EGFLAM: variants seen among roughly 807,000 people sequenced by gnomAD.
The protein encoded by EGFLAM is pikachurin.
Under a neutral mutation model 113.1 loss-of-function variants are expected in EGFLAM, and 79 were observed. The observed-to-expected ratio is 0.70, with a 90% CI of 0.58 to 0.84. The LOEUF is 0.84. Among genes scored for constraint, EGFLAM ranks in the 40% least tolerant of loss-of-function variants. EGFLAM has a pLI of 0.00. For synonymous variants in EGFLAM, 504 were observed against 487.6 expected (o/e 1.03, Z -0.44); for missense variants, 1,265 against 1,291.6 (o/e 0.98, Z 0.32).
intron 6 of EGFLAM, among the ~76,000 whole-genome samples, chr5:38,386,350 C>A (rs1482109720): frequency 6.6e-6 from 1 of 152,076 alleles, no homozygotes; most frequent in African/African-American, 2.4e-5. Context: ...CACACCACCA[C>A]GCCTGGCTAA....
intron 17 of EGFLAM, among the ~76,000 whole-genome samples, chr5:38,446,753 C>T (rs1025278135): frequency 1.3e-5 from 2 of 152,140 alleles, no homozygotes; most frequent in African/African-American, 4.8e-5. Flanking sequence ...TTCCTCTCTT[C>T]CTTTCTTTTT....
intron 6 of EGFLAM, among the ~76,000 whole-genome samples, chr5:38,377,250 G>A (rs1400297742): frequency 6.6e-6 from 1 of 151,728 alleles, no homozygotes; most frequent in East Asian, 1.9e-4. Flanking sequence ...CGCTTCTCCT[G>A]CCTCAGCCTC....
intron 1 of EGFLAM, among the ~76,000 whole-genome samples, chr5:38,330,220 T>C (rs1175127712): frequency 6.6e-6 from 1 of 152,156 alleles, no homozygotes; most frequent in Non-Finnish European, 1.5e-5. Flanking sequence ...TGGATGTCAA[T>C]ATTCTGGATG....
At chr5:38,449,485 A>C (rs1742835450) in intron 18 of EGFLAM, among the ~76,000 whole-genome samples, 1 of 152,190 alleles carries the variant, frequency 6.6e-6, no homozygotes, top group African/African-American at 2.4e-5. Context: ...CCAAAGATGG[A>C]AGGTCATTCA....
At chr5:38,286,449 C>A (rs1758163120) in intron 1 of EGFLAM, 2 of 152,192 alleles carry the variant, frequency 1.3e-5, no homozygotes, top group Admixed American at 6.5e-5. Flanking sequence ...AATGAGCACA[C>A]ATGATAGGTT....
intron 17 of EGFLAM, among the ~76,000 whole-genome samples, chr5:38,442,470 C>A (rs1166850412): frequency 6.7e-6 from 1 of 149,290 alleles, no homozygotes; most frequent in East Asian, 2.0e-4. Flanking sequence ...AAAAATAAGT[C>A]ATTTCAAATT....
At position 38,427,186 on chromosome 5, in the gene EGFLAM, C is replaced by T; in HGVS notation, c.1988C>T (p.Ser663Phe). Reference sequence around the variant, plus strand: ...GACACAGGCAGCAAAGACTTCCTGTCCATCAACTTGGCAGGGGGCCACGTG... The same window carrying T: ...GACACAGGCAGCAAAGACTTCCTGTTCATCAACTTGGCAGGGGGCCACGTG... ...SYDTGSKDFL[S>F]INLAGGHVEF... The change falls in exon 14 of 22, where the codon TCC (serine) becomes TTC (phenylalanine). Residue 663 changes from serine to phenylalanine, a missense_variant. Ser to Phe is a radical substitution (Grantham distance 155, BLOSUM62 -2). Coordinates refer to ENST00000322350, the MANE Select transcript of EGFLAM (RefSeq NM_152403.4). 6.2e-7 allele frequency: 1 copy of T among 1,614,162 alleles called. No homozygotes were observed. Among genetic ancestry groups the T allele is most frequent in the South Asian group, 1.1e-5 (1 of 91,082 alleles).
At chr5:38,394,990 G>A (rs531178816) in intron 6 of EGFLAM, among the ~76,000 whole-genome samples, 1 of 151,786 alleles carries the variant, frequency 6.6e-6, no homozygotes, top group African/African-American at 2.4e-5. Flanking sequence ...GCCCAGGTGG[G>A]AGTGCAGTGG....
At chr5:38,288,104 T>C (rs924535113) in intron 1 of EGFLAM, among the ~76,000 whole-genome samples, 2 of 152,256 alleles carry the variant, frequency 1.3e-5, no homozygotes, top group Admixed American at 6.5e-5. Flanking sequence ...GAAAGGTACA[T>C]TATGAACTGC....
intron 1 of EGFLAM, among the ~76,000 whole-genome samples, chr5:38,316,890 G>C (rs1272282302): frequency 6.6e-6 from 1 of 152,150 alleles, no homozygotes; most frequent in Non-Finnish European, 1.5e-5. Context: ...ATGATAGCAA[G>C]AGACTTGCTG....
intron 1 of EGFLAM, among the ~76,000 whole-genome samples, chr5:38,313,016 A>G (rs1396224599): frequency 2.0e-5 from 3 of 152,158 alleles, no homozygotes; most frequent in Non-Finnish European, 4.4e-5. Flanking sequence ...TGAACCCCGG[A>G]GGTGGAGGTT....
At chr5:38,295,074 AC>A (rs1758421466) in intron 1 of EGFLAM, among the ~76,000 whole-genome samples, 1 of 152,184 alleles carries the variant, frequency 6.6e-6, no homozygotes, top group African/African-American at 2.4e-5. Flanking sequence ...TGATCTACCC[AC>A]CTTGGCCTCC....
At chr5:38,453,099 G>A (rs186694666) in intron 19 of EGFLAM, among the ~76,000 whole-genome samples, 11 of 152,252 alleles carry the variant, frequency 7.2e-5, no homozygotes, top group South Asian at 2.1e-4. Context: ...AGAAATCCAC[G>A]TTCTCAGGCC....
Position 38,258,575 on chromosome 5 carries a change from C to T in EGFLAM, c.-180C>T. 1.5e-6 allele frequency: 1 copy of T among 656,496 alleles called. No individual in the cohort carries two copies. The highest frequency in any genetic ancestry group is 2.9e-5 in the Admixed American group (1 of 34,228). The allele number at this position is 656,496 out of a possible 1,614,324, so 40.7% of individuals were successfully genotyped here. A position where few individuals can be genotyped will look rare whatever the true frequency, so the allele number is the denominator to read the frequency against. On this transcript the variant is annotated 5_prime_UTR_variant, in exon 1 of 22. Transcript: ENST00000322350. Reference sequence around the variant, plus strand: ...GCCGGCTTCACTCGCGCACGCCGACCTCCCGGCTGCAGTCCTACCTCTTGG... The same window carrying T: ...GCCGGCTTCACTCGCGCACGCCGACTTCCCGGCTGCAGTCCTACCTCTTGG...
chr5:38,464,074 C>G lies in EGFLAM; in HGVS notation c.*88C>G. ...CCCTGCCTGATGCTATATGCAGAGG[C>G]CCAGGGACCAGGTGTGTTTCCTCTC... On this transcript the variant is annotated 3_prime_UTR_variant, in exon 22 of 22. Coordinates refer to ENST00000322350, the MANE Select transcript of EGFLAM (RefSeq NM_152403.4). 1.3e-6 allele frequency: 2 copies of G among 1,526,652 alleles called. No individual in the cohort carries two copies. Among genetic ancestry groups the G allele is most frequent in the Non-Finnish European group, 1.8e-6 (2 of 1,121,044 alleles). The allele number at this position is 1,526,652 out of a possible 1,614,324, so 94.6% of individuals were successfully genotyped here. A position where few individuals can be genotyped will look rare whatever the true frequency, so the allele number is the denominator to read the frequency against.
intron 6 of EGFLAM, among the ~76,000 whole-genome samples, chr5:38,389,110 T>A (rs1004725227): frequency 6.6e-6 from 1 of 152,124 alleles, no homozygotes; most frequent in African/African-American, 2.4e-5. Flanking sequence ...TTTTTACTGA[T>A]CCTCATTAAA....
chr5:38,391,384 T>TTGTGTGTGTGTGTG lies in EGFLAM; in HGVS notation c.713-14721_713-14708dup, dbSNP rs758900897. ...TGTTTTAATTTCTTTTTTCTTTTCT[T>TTGTGTGTGTGTGTG]TGTGTGTGTGTGTGTGTGTGTGTGT... On this transcript the variant is annotated intron_variant, in intron 6 of 21. Coordinates refer to ENST00000322350, the MANE Select transcript of EGFLAM (RefSeq NM_152403.4). Among the ~76,000 whole-genome samples, 253 of 98,016 alleles carry TTGTGTGTGTGTGTG rather than the reference T, an allele frequency of 2.6e-3. 2 individuals are homozygous for TTGTGTGTGTGTGTG. Among genetic ancestry groups the TTGTGTGTGTGTGTG allele is most frequent in the African/African-American group, 8.8e-3 (243 of 27,646 alleles). 64.3% of individuals were successfully genotyped at this position (98,016 alleles called of 152,430 possible).
chr5:38,375,762 G>A (rs1467598116), intron 6 of EGFLAM, among the ~76,000 whole-genome samples: 4 of 152,152 alleles, frequency 2.6e-5, no homozygotes, highest in African/African-American at 9.7e-5. Context: ...GAGAAAGGAG[G>A]ATGGTGTTGG....
chr5:38,297,758 T>G (rs1758481432), intron 1 of EGFLAM, among the ~76,000 whole-genome samples: 1 of 152,224 alleles, frequency 6.6e-6, no homozygotes, highest in Non-Finnish European at 1.5e-5. Context: ...TCATGCTTAT[T>G]GTCCCTGGGC....
Sources: allele counts gnomAD v4.1 joint callset (sites outside exome capture counted in the v4.1 genomes callset), GRCh38; gene constraint gnomAD v4.1.1; transcripts MANE v1.5; gene names NCBI Gene and HGNC (gene_info 2026-07-23, HGNC 2026-07-21).